The following LMX1B variants were observed in gnomAD, a reference collection of about 807,000 sequenced individuals.
LMX1B encodes the protein LIM homeobox transcription factor 1 beta.
Under a neutral mutation model 51.4 loss-of-function variants are expected in LMX1B, and 12 were observed. The ratio of observed to expected loss-of-function variants is 0.23; its 90% CI spans 0.15 to 0.38. The LOEUF (loss-of-function observed/expected upper bound fraction) is 0.38. Among genes scored for constraint, LMX1B ranks in the 10% least tolerant of loss-of-function variants. The pLI, the probability that LMX1B is intolerant of heterozygous loss-of-function variation, is 1.00. For missense variants in LMX1B, 445 were observed against 571.1 expected (o/e 0.78, Z 2.25); for synonymous variants, 237 against 235.4 (o/e 1.01, Z -0.06).
In LMX1B at chr9:126,614,255, C is replaced by T. The variant is rs1415476388; in HGVS notation, c.-195C>T. 6.9e-6 allele frequency among the ~76,000 whole-genome samples: 1 copy of T among 145,948 alleles called. No homozygotes were observed. Among genetic ancestry groups the T allele is most frequent in the Non-Finnish European group, 1.5e-5 (1 of 65,692 alleles). ...GGGAGAGCGCGGCGCGGGCTGCAGC[C>T]GCCCCGGCCCGCCCGCACGACGCCG... On this transcript the variant is annotated 5_prime_UTR_variant, in exon 1 of 8. Coordinates refer to ENST00000373474, the MANE Select transcript of LMX1B (RefSeq NM_001174147.2).
chr9:126,652,002 G>GA (rs575576870), intron 2 of LMX1B, among the ~76,000 whole-genome samples: 1 of 151,742 alleles, frequency 6.6e-6, no homozygotes, highest in African/African-American at 2.4e-5. Context: ...GCCAGAGATG[G>GA]GGGGGGGCCT....
chr9:126,682,686 G>A (rs1432883351), intron 2 of LMX1B, among the ~76,000 whole-genome samples: 1 of 152,132 alleles, frequency 6.6e-6, no homozygotes, highest in Non-Finnish European at 1.5e-5. Flanking sequence ...CACGAGGTCA[G>A]GAGATCGAGA....
chr9:126,690,888 T>C lies in LMX1B; in HGVS notation c.379T>C (p.Phe127Leu). The C allele has an allele frequency of 1.9e-6, 3 of 1,613,678 alleles. No homozygotes were observed. The highest frequency in any genetic ancestry group is 2.5e-6 in the Non-Finnish European group (3 of 1,179,922). ...GCMEKIAPTE[F>L]VMRALECVYH... is the part of the protein sequence containing the mutation. ...CATGGAGAAGATCGCCCCCACCGAG[T>C]TCGTGATGCGGGCGCTGGAGTGCGT... is the stretch of plus-strand genomic sequence containing the variant. The change falls in exon 3 of 8, where the codon TTC becomes CTC. Residue 127 changes from phenylalanine to leucine, a missense_variant. Physicochemically the swap from Phe to Leu is conservative, Grantham distance 22. Coordinates refer to ENST00000373474, the MANE Select transcript of LMX1B (RefSeq NM_001174147.2).
chr9:126,661,125 G>A (rs1310912755), intron 2 of LMX1B, among the ~76,000 whole-genome samples: 1 of 152,184 alleles, frequency 6.6e-6, no homozygotes, highest in East Asian at 1.9e-4. Context: ...TAGTAGACAC[G>A]CCCATACACA....
intron 2 of LMX1B, among the ~76,000 whole-genome samples, chr9:126,646,195 A>C (rs1835896494): frequency 6.6e-6 from 1 of 152,238 alleles, no homozygotes; most frequent in Non-Finnish European, 1.5e-5. Context: ...ATGAAGTGAC[A>C]TGTCAGGGTA....
rs781129330 is a variant in LMX1B, at chr9:126,695,799, G to A, written c.887-40G>A. 15 of 1,608,336 alleles carry A rather than the reference G, an allele frequency of 9.3e-6. No individual in the cohort carries two copies. The highest frequency in any genetic ancestry group is 8.9e-5 in the East Asian group (4 of 44,808). On this transcript the variant is annotated intron_variant, in intron 6 of 7. Transcript: ENST00000373474. The surrounding 1 kb of genome is among the most constrained non-coding windows in gnomAD (Gnocchi z 5.2). ...GCTGCTGGGGTGTAGCTGGGAGGGC[G>A]TGGACCAGGCCAGGGGGTGAAGGCT...
intron 3 of LMX1B, among the ~76,000 whole-genome samples, chr9:126,692,060 A>G (rs2030151719): frequency 6.6e-6 from 1 of 152,220 alleles, no homozygotes; most frequent in South Asian, 2.1e-4. Flanking sequence ...CCGGTCTGCC[A>G]GGCCCCATGG....
intron 2 of LMX1B, among the ~76,000 whole-genome samples, chr9:126,665,977 G>T (rs1018384308): frequency 6.6e-6 from 1 of 152,264 alleles, no homozygotes; most frequent in Non-Finnish European, 1.5e-5. Flanking sequence ...AACAAAGATC[G>T]GAGGAGGAGG....
intron 2 of LMX1B, chr9:126,640,746 A>C (rs576581835): frequency 2.3e-4 from 35 of 152,466 alleles, no homozygotes; most frequent in African/African-American, 7.9e-4. Flanking sequence ...GACTGAGGGC[A>C]GACAGGATGC....
chr9:126,655,040 C>T (rs1477721484), intron 2 of LMX1B, among the ~76,000 whole-genome samples: 2 of 152,222 alleles, frequency 1.3e-5, no homozygotes. Context: ...GTCCCTTTAC[C>T]CTGTGAAATG....
intron 2 of LMX1B, among the ~76,000 whole-genome samples, chr9:126,660,290 G>GGCTTCAGAGGTTGTCCTGTGGGGGGGTA: frequency 6.6e-6 from 1 of 150,936 alleles, no homozygotes; most frequent in African/African-American, 2.4e-5. Flanking sequence ...GTGTGGGGGT[G>GGCTTCAGAGGTTGTCCTGTGGGGGGGTA]TCTACACTGG....
intron 2 of LMX1B, among the ~76,000 whole-genome samples, chr9:126,636,483 C>G (rs760394447): frequency 6.6e-6 from 1 of 152,034 alleles, no homozygotes; most frequent in Non-Finnish European, 1.5e-5. Flanking sequence ...ACTCCAGGGC[C>G]CCTGGAAGCC....
chr9:126,624,691 G>A (rs1399443200), intron 2 of LMX1B, among the ~76,000 whole-genome samples: 2 of 149,144 alleles, frequency 1.3e-5, no homozygotes, highest in Non-Finnish European at 3.0e-5. Context: ...GATTTGGTTT[G>A]CAGGGGGGAA....
chr9:126,643,971 C>T (rs1004106710), intron 2 of LMX1B, among the ~76,000 whole-genome samples: 6 of 152,186 alleles, frequency 3.9e-5, no homozygotes, highest in African/African-American at 1.4e-4. Flanking sequence ...GGTCTCACAG[C>T]CAGAAAGTGG....
At chr9:126,636,655 G>A (rs143972374) in intron 2 of LMX1B, among the ~76,000 whole-genome samples, 2 of 152,298 alleles carry the variant, frequency 1.3e-5, no homozygotes, top group East Asian at 3.9e-4. Context: ...GTTCAAGTGT[G>A]TGCACCCTAG....
chr9:126,633,530 G>C (rs374108725), intron 2 of LMX1B, among the ~76,000 whole-genome samples: 2 of 152,164 alleles, frequency 1.3e-5, no homozygotes, highest in African/African-American at 4.8e-5. Flanking sequence ...CAATCCTGGG[G>C]ACTGGCTGGG....
Position 126,614,566 on chromosome 9 carries a change from C to T in LMX1B, c.117C>T (p.Pro39=). The T allele has an allele frequency of 1.2e-6, 2 of 1,602,340 alleles. No homozygotes were observed. The highest frequency in any genetic ancestry group is 1.7e-6 in the Non-Finnish European group (2 of 1,174,906). The change falls in exon 1 of 8, where the codon CCC becomes CCT. Residue 39 remains proline (P), a synonymous_variant. Coordinates refer to ENST00000373474, the MANE Select transcript of LMX1B (RefSeq NM_001174147.2). ...AGGAGCACGCCCTGCGCCCCGGGCC[C>T]GCCACTCTGGGGGTGCTGCTGGGTG... ...KMEEHALRPG[P]ATLGVLLGSD...
In LMX1B at chr9:126,695,700, C is replaced by T; in HGVS notation, c.887-139C>T. 1 of 894,574 alleles carries T rather than the reference C, an allele frequency of 1.1e-6. No homozygotes were observed. The highest frequency in any genetic ancestry group is 1.8e-6 in the Non-Finnish European group (1 of 569,500). 55.4% of individuals were successfully genotyped at this position (894,574 alleles called of 1,614,324 possible). ...CTGGAGTGTGCACCTGGGGAAGGGG[C>T]TGGGGAGTCAGTGTCTGGACAGCTT... On this transcript the variant is annotated intron_variant, in intron 6 of 7. Transcript: ENST00000373474. The surrounding 1 kb of genome is among the most constrained non-coding windows in gnomAD (Gnocchi z 5.2).
At chr9:126,652,297 G>GGT (rs35697163) in intron 2 of LMX1B, among the ~76,000 whole-genome samples, 6 of 82,088 alleles carry the variant, frequency 7.3e-5, no homozygotes, top group African/African-American at 2.6e-4. Flanking sequence ...AGGAGGAGAA[G>GGT]GGGGGGGGGA....
Sources: gnomAD v4.1 joint callset for allele counts (sites outside exome capture counted in the v4.1 genomes callset) on GRCh38, gnomAD v4.1.1 for gene constraint, Gnocchi (gnomAD v3.1) non-coding constraint, MANE v1.5 for transcripts, NCBI Gene and HGNC (gene_info 2026-07-23, HGNC 2026-07-21) for gene names.